VWA3B: variants seen among roughly 807,000 people sequenced by gnomAD.
VWA3B encodes von Willebrand factor A domain containing 3B, also known as von Willebrand factor A domain-containing protein 3B.
Under a neutral mutation model 158.3 loss-of-function variants are expected in VWA3B, and 138 were observed. That is an observed-to-expected ratio of 0.87 (90% CI 0.76 to 1.00). The LOEUF (loss-of-function observed/expected upper bound fraction) is 1.00, where lower values mean the gene tolerates loss of function less well. Ranked by LOEUF, VWA3B falls within the 50% of genes least tolerant of loss-of-function variation. VWA3B has a pLI of 0.00. For missense variants in VWA3B, 1,555 were observed against 1,565.1 expected, an observed-to-expected ratio of 0.99 and a Z score of 0.11; for synonymous variants, 596 against 587.3, an observed-to-expected ratio of 1.01 and a Z score of -0.21.
intron 21 of VWA3B, among the ~76,000 whole-genome samples, chr2:98,264,475 A>G (rs1218529635): frequency 6.6e-6 from 1 of 152,040 alleles, no homozygotes; most frequent in African/African-American, 2.4e-5. Flanking sequence ...ATTCTTTGAC[A>G]CATTGGTTGT....
intron 22 of VWA3B, among the ~76,000 whole-genome samples, chr2:98,285,044 G>A (rs1029047649): frequency 8.5e-5 from 13 of 152,124 alleles, no homozygotes; most frequent in African/African-American, 3.1e-4. Flanking sequence ...AAAAAGATTT[G>A]TAGAAGTATA....
chr2:98,119,680 G>A lies in VWA3B; in HGVS notation c.459G>A (p.Glu153=). 3 of 1,614,156 alleles carry A rather than the reference G, an allele frequency of 1.9e-6. No homozygotes were observed. Among genetic ancestry groups the A allele is most frequent in the Non-Finnish European group, 2.5e-6 (3 of 1,180,032 alleles). Residue 153 remains glutamate, a synonymous_variant, in exon 4 of 28, where the codon GAG becomes GAA. Coordinates refer to ENST00000477737, the MANE Select transcript of VWA3B (RefSeq NM_144992.5). The stretch of plus-strand genomic sequence containing the variant: ...TGCTGGATTTTGGCGGCATTCTGGA[G>A]GGGGAGCTTGATCTGTGCCGAGAGG... ...TIVLDFGGIL[E]GELDLCREAL...
At chr2:98,280,072 C>T (rs1001824624) in intron 22 of VWA3B, among the ~76,000 whole-genome samples, 3 of 152,230 alleles carry the variant, frequency 2.0e-5, no homozygotes, top group Admixed American at 1.3e-4. Flanking sequence ...GGCTTTTGTT[C>T]ATCTCCGGAG....
At chr2:98,198,012 A>G (rs1400853374) in intron 12 of VWA3B, among the ~76,000 whole-genome samples, 1 of 151,384 alleles carries the variant, frequency 6.6e-6, no homozygotes, top group East Asian at 1.9e-4. Flanking sequence ...TATATTATAT[A>G]TTGATATATA....
At chr2:98,326,221 C>T in the VWA3B span, among the ~76,000 whole-genome samples, 1 of 152,090 alleles carries the variant, frequency 6.6e-6, no homozygotes, top group Non-Finnish European at 1.5e-5. Flanking sequence ...GTTATCACTA[C>T]TAGAGTGCAT....
intron 7 of VWA3B, among the ~76,000 whole-genome samples, chr2:98,158,972 C>T (rs577759108): frequency 7.6e-4 from 116 of 152,238 alleles, no homozygotes; most frequent in Non-Finnish European, 1.3e-3. Flanking sequence ...ACATACTTGC[C>T]AAATGACCGT....
chr2:98,312,051 G>T lies in VWA3B; in HGVS notation c.3735+19G>T, dbSNP rs750200142. On this transcript the variant is annotated intron_variant, in intron 27 of 27. Coordinates refer to ENST00000477737, the MANE Select transcript of VWA3B (RefSeq NM_144992.5). ...GCCCAGGGTTTGGGTGATGGGGGGGGAACACAACATCGCTTATCTCAGGAA... is the reference window on the plus strand; with the variant it reads ...GCCCAGGGTTTGGGTGATGGGGGGGTAACACAACATCGCTTATCTCAGGAA... 1.3e-6 allele frequency: 2 copies of T among 1,591,810 alleles called. No individual in the cohort carries two copies. Among genetic ancestry groups the T allele is most frequent in the South Asian group, 2.3e-5 (2 of 88,272 alleles).
intron 7 of VWA3B, among the ~76,000 whole-genome samples, chr2:98,144,266 T>A (rs1199144915): frequency 6.6e-6 from 1 of 152,168 alleles, no homozygotes; most frequent in African/African-American, 2.4e-5. Context: ...ATTATAGTTG[T>A]CATTATTGTC....
chr2:98,239,001 TC>T (rs1169304390), intron 19 of VWA3B, among the ~76,000 whole-genome samples: 2 of 151,992 alleles, frequency 1.3e-5, no homozygotes, highest in Non-Finnish European at 2.9e-5. Context: ...AGACACCACC[TC>T]CCCCATCAAA....
chr2:98,328,821 A>G, the VWA3B span, among the ~76,000 whole-genome samples: 4 of 152,248 alleles, frequency 2.6e-5, no homozygotes, highest in Non-Finnish European at 5.9e-5. Context: ...GTTGACAGAA[A>G]CTAGGAATCT....
At chr2:98,223,459 T>G (rs1684674128) in intron 14 of VWA3B, among the ~76,000 whole-genome samples, 1 of 152,030 alleles carries the variant, frequency 6.6e-6, no homozygotes. Context: ...TTCCCAAAGT[T>G]GGTGAAATAT....
chr2:98,105,789 G>A (rs1673596790), intron 2 of VWA3B, among the ~76,000 whole-genome samples: 1 of 151,880 alleles, frequency 6.6e-6, no homozygotes, highest in Non-Finnish European at 1.5e-5. Context: ...TGGGTGTTCA[G>A]TTGCTCCAGT....
Position 98,290,628 on chromosome 2 carries a change from T to G in VWA3B, c.3157+6T>G. 6.9e-7 allele frequency: 1 copy of G among 1,446,432 alleles called. No homozygotes were observed. 89.6% of individuals were successfully genotyped at this position (1,446,432 alleles called of 1,614,324 possible). A position where few individuals can be genotyped will look rare whatever the true frequency, so the allele number is the denominator to read the frequency against. ...AAATGGCTTTTATTTTCCAGGTAGT[T>G]TTTTTTTTTTTAATTTCGTGAGGCT... On this transcript the variant is annotated splice_donor_region_variant and intron_variant, in intron 23 of 27. Coordinates refer to ENST00000477737, the MANE Select transcript of VWA3B (RefSeq NM_144992.5).
chr2:98,187,929 CT>C, intron 9 of VWA3B, 45 bp from the exon 10 acceptor site: 1 of 1,534,272 alleles, frequency 6.5e-7, no homozygotes, highest in Non-Finnish European at 8.8e-7. Context: ...AGGCTCTTCT[CT>C]TTGGACAGTT....
At chr2:98,146,771 C>G (rs554709644) in intron 7 of VWA3B, among the ~76,000 whole-genome samples, 3 of 152,184 alleles carry the variant, frequency 2.0e-5, no homozygotes, top group African/African-American at 7.2e-5. Context: ...TTCTTTTCCA[C>G]TCTCATTTAC....
intron 19 of VWA3B, among the ~76,000 whole-genome samples, chr2:98,248,444 A>G (rs548498793): frequency 5.9e-4 from 89 of 151,834 alleles, no homozygotes; most frequent in African/African-American, 2.1e-3. Context: ...CCATCCCCCA[A>G]CCCTCATGGG....
intron 2 of VWA3B, among the ~76,000 whole-genome samples, chr2:98,100,672 G>A (rs1474628731): frequency 6.6e-6 from 1 of 152,182 alleles, no homozygotes; most frequent in East Asian, 1.9e-4. Flanking sequence ...AGGGCCATGT[G>A]GATCTGCCTG....
chr2:98,224,680 A>G (rs752500575), intron 14 of VWA3B, among the ~76,000 whole-genome samples: 5 of 152,182 alleles, frequency 3.3e-5, no homozygotes, highest in Non-Finnish European at 7.3e-5. Context: ...AGTAAGTGCT[A>G]ACATGTCAAT....
At chr2:98,089,154 A>G (rs1248033154) in intron 1 of VWA3B, among the ~76,000 whole-genome samples, 2 of 152,092 alleles carry the variant, frequency 1.3e-5, no homozygotes, top group East Asian at 3.9e-4. Flanking sequence ...CCTTCTTTGA[A>G]CAAAATCAGG....
Sources: allele counts gnomAD v4.1 joint callset (sites outside exome capture counted in the v4.1 genomes callset), GRCh38; gene constraint gnomAD v4.1.1; transcripts MANE v1.5; gene names NCBI Gene and HGNC (gene_info 2026-07-23, HGNC 2026-07-21).